The following PRORP variants were observed in gnomAD, a reference collection of about 807,000 sequenced individuals.
PRORP encodes the protein protein only RNase P catalytic subunit, also known as mitochondrial ribonuclease P catalytic subunit.
In PRORP, 51 loss-of-function variants were observed where a neutral mutation model predicts 59.4. The ratio of observed to expected loss-of-function variants is 0.86; its 90% CI spans 0.69 to 1.08. PRORP has a LOEUF of 1.08. Among genes scored for constraint, PRORP ranks in the 50% least tolerant of loss-of-function variants. The probability of loss-of-function intolerance (pLI) is 0.00; values close to 1 mark genes in which losing one functional copy is unlikely to be tolerated. For synonymous variants in PRORP, 231 were observed against 245.6 expected (o/e 0.94, Z 0.55); for missense variants, 646 against 690.3 (o/e 0.94, Z 0.72).
chr14:35,122,930 C>G, intron 1 of PRORP, 22 bp from the exon 2 acceptor site: 1 of 266,672 alleles, frequency 3.7e-6, no homozygotes, highest in Non-Finnish European at 7.2e-6. Context: ...ACTGGGCGTT[C>G]CGTCTTGTGC....
intron 4 of PRORP, among the ~76,000 whole-genome samples, chr14:35,168,519 T>C (rs2048239831): frequency 6.6e-6 from 1 of 152,198 alleles, no homozygotes; most frequent in African/African-American, 2.4e-5. Context: ...ATCCAAACTA[T>C]GACCACACAT....
At chr14:35,215,587 A>T (rs1190102857) in intron 5 of PRORP, among the ~76,000 whole-genome samples, 3 of 151,596 alleles carry the variant, frequency 2.0e-5, no homozygotes, top group Admixed American at 6.6e-5. Context: ...CCGTGACTCA[A>T]AAAAAAAAAT....
intron 4 of PRORP, among the ~76,000 whole-genome samples, chr14:35,155,505 T>C (rs1416615263): frequency 6.6e-6 from 1 of 150,458 alleles, no homozygotes; most frequent in East Asian, 1.9e-4. Flanking sequence ...GAGGATTGCT[T>C]GAGCCCAGGA....
At chr14:35,226,553 A>G (rs2049939031) in intron 5 of PRORP, among the ~76,000 whole-genome samples, 2 of 152,194 alleles carry the variant, frequency 1.3e-5, no homozygotes, top group South Asian at 4.1e-4. Flanking sequence ...AGACAGCACC[A>G]CATAATAAAG....
intron 5 of PRORP, among the ~76,000 whole-genome samples, chr14:35,252,147 AG>A (rs1260413954): frequency 2.6e-5 from 4 of 152,182 alleles, no homozygotes; most frequent in Non-Finnish European, 5.9e-5. Context: ...AATCATGACC[AG>A]GCATGGTATC....
chr14:35,198,097 C>T (rs2049052501), intron 5 of PRORP, among the ~76,000 whole-genome samples: 1 of 152,154 alleles, frequency 6.6e-6, no homozygotes, highest in Non-Finnish European at 1.5e-5. Context: ...AGGGAGAAAT[C>T]AGAGCTTTGG....
chr14:35,250,249 A>G (rs1352644648), intron 5 of PRORP, among the ~76,000 whole-genome samples: 2 of 151,972 alleles, frequency 1.3e-5, no homozygotes, highest in African/African-American at 4.8e-5. Context: ...AAAAAGAAAA[A>G]AAAAGATGTC....
intron 4 of PRORP, among the ~76,000 whole-genome samples, chr14:35,147,538 T>G (rs2138873164): frequency 6.6e-6 from 1 of 152,060 alleles, no homozygotes; most frequent in South Asian, 2.1e-4. Context: ...CGAGCTGGGG[T>G]TTTGCCACAT....
intron 5 of PRORP, among the ~76,000 whole-genome samples, chr14:35,265,109 G>C (rs1248952948): frequency 6.6e-6 from 1 of 152,196 alleles, no homozygotes; most frequent in Non-Finnish European, 1.5e-5. Context: ...TTTGATAGCT[G>C]ATTAAATAAA....
At chr14:35,132,105 C>T (rs1439978017) in intron 4 of PRORP, among the ~76,000 whole-genome samples, 3 of 151,380 alleles carry the variant, frequency 2.0e-5, no homozygotes, top group African/African-American at 7.3e-5. Flanking sequence ...TCCGAAAGTG[C>T]TGGAATTACA....
chr14:35,241,414 A>T (rs533485534), intron 5 of PRORP, among the ~76,000 whole-genome samples: 3 of 152,074 alleles, frequency 2.0e-5, no homozygotes, highest in Admixed American at 6.5e-5. Context: ...GCAATTTTAT[A>T]TCAGGGACCT....
Position 35,124,189 on chromosome 14 carries a change from C to A in PRORP, c.944C>A (p.Pro315Gln). ...LSYLRNNQLY[P>Q]GESFAHSIKT... is the part of the protein sequence containing the mutation. Reference sequence around the variant, plus strand: ...TATCTAAGAAATAATCAGCTGTATCCAGGGGAGTCATTTGCACACAGTATA... The same window carrying A: ...TATCTAAGAAATAATCAGCTGTATCAAGGGGAGTCATTTGCACACAGTATA... Residue 315 changes from proline (P) to glutamine (Q), a missense_variant, in exon 2 of 8, where the codon CCA becomes CAA. By Grantham distance (76) the Pro-to-Gln change is moderately conservative. Transcript: ENST00000534898. 5 of 1,588,450 alleles carry A rather than the reference C, an allele frequency of 3.1e-6. No homozygotes were observed. The highest frequency in any genetic ancestry group is 4.3e-6 in the Non-Finnish European group (5 of 1,170,010).
chr14:35,214,937 G>A (rs998593064), intron 5 of PRORP, among the ~76,000 whole-genome samples: 10 of 152,122 alleles, frequency 6.6e-5, no homozygotes, highest in African/African-American at 2.4e-4. Context: ...TGTCTTGAGT[G>A]CCTTTTGAGT....
intron 7 of PRORP, among the ~76,000 whole-genome samples, chr14:35,272,768 A>G (rs921131072): frequency 6.6e-6 from 1 of 152,126 alleles, no homozygotes; most frequent in Non-Finnish European, 1.5e-5. Flanking sequence ...TTTTGTTTAC[A>G]TTTGTCCCTT....
intron 4 of PRORP, among the ~76,000 whole-genome samples, chr14:35,172,453 C>CTTTCTTTCTTTCTTTCTT (rs2048337500): frequency 6.4e-5 from 3 of 46,708 alleles, no homozygotes; most frequent in East Asian, 1.2e-3. Flanking sequence ...TCCTTCCTTC[C>CTTTCTTTCTTTCTTTCTT]TTCTTTCTTT....
chr14:35,218,362 G>A (rs2049661583), intron 5 of PRORP, among the ~76,000 whole-genome samples: 1 of 150,264 alleles, frequency 6.7e-6, no homozygotes, highest in African/African-American at 2.5e-5. Context: ...TATGGATGCT[G>A]AGGTGGGAGG....
chr14:35,230,059 T>G (rs2050035167), intron 5 of PRORP, among the ~76,000 whole-genome samples: 1 of 149,538 alleles, frequency 6.7e-6, no homozygotes, highest in South Asian at 2.1e-4. Context: ...TCTTTTTTTT[T>G]TTTTTTTTTT....
At chr14:35,208,957 G>A (rs1354294080) in intron 5 of PRORP, among the ~76,000 whole-genome samples, 1 of 134,244 alleles carries the variant, frequency 7.4e-6, no homozygotes, top group African/African-American at 2.5e-5. Context: ...CTTGAACTTG[G>A]GAGGCAGAGG....
At chr14:35,136,371 T>G (rs200188288) in intron 4 of PRORP, among the ~76,000 whole-genome samples, 54 of 148,738 alleles carry the variant, frequency 3.6e-4, no homozygotes, top group Admixed American at 2.7e-3. Flanking sequence ...CGGGTTTTTT[T>G]GTTTTTTTGG....
Sources: gnomAD v4.1 joint callset for allele counts (sites outside exome capture counted in the v4.1 genomes callset) on GRCh38, gnomAD v4.1.1 for gene constraint, MANE v1.5 for transcripts, NCBI Gene and HGNC (gene_info 2026-07-23, HGNC 2026-07-21) for gene names.